The following STXBP5L variants were observed in gnomAD, a reference collection of about 807,000 sequenced individuals.
The protein encoded by STXBP5L is syntaxin-binding protein 5-like.
A neutral mutation model predicts 144.5 loss-of-function variants in STXBP5L; 65 were observed. The ratio of observed to expected loss-of-function variants is 0.45; its 90% CI spans 0.37 to 0.55. The LOEUF is 0.55. Ranked by LOEUF, STXBP5L falls within the 20% of genes least tolerant of loss-of-function variation. The pLI, the probability that STXBP5L is intolerant of heterozygous loss-of-function variation, is 0.00. For missense variants in STXBP5L, 1,298 were observed against 1,405.5 expected, an observed-to-expected ratio of 0.92 and a Z score of 1.22; for synonymous variants, 505 against 469.6, an observed-to-expected ratio of 1.08 and a Z score of -0.97.
intron 3 of STXBP5L, among the ~76,000 whole-genome samples, chr3:121,000,965 C>T (rs1351503295): frequency 6.6e-6 from 1 of 152,134 alleles, no homozygotes; most frequent in Non-Finnish European, 1.5e-5. Context: ...TCTGGCTTCT[C>T]AAAGTTAACC....
rs973656319 is a variant in STXBP5L, at chr3:121,065,795, C to T, written c.470+20260C>T. Among the ~76,000 whole-genome samples the T allele has an allele frequency of 2.6e-5, 4 of 152,222 alleles. No individual in the cohort carries two copies. The South Asian group carries it at 8.3e-4, about 32-fold the overall frequency. On this transcript the variant is annotated intron_variant, in intron 5 of 26. Coordinates refer to ENST00000471454, the MANE Select transcript of STXBP5L (RefSeq NM_001308330.2). Reference sequence around the variant, plus strand: ...TCACAAATTAAAATTGTGGCCAGGGCTGTGCGATTTTCTGAGGTTTGACTG... The same window carrying T: ...TCACAAATTAAAATTGTGGCCAGGGTTGTGCGATTTTCTGAGGTTTGACTG...
intron 20 of STXBP5L, among the ~76,000 whole-genome samples, chr3:121,320,945 C>T (rs377266128): frequency 1.6e-4 from 25 of 152,172 alleles, no homozygotes; most frequent in Non-Finnish European, 2.2e-4. Context: ...GTGATCTGCC[C>T]GCCTCGGCCT....
chr3:121,373,020 A>C (rs1419939061), intron 20 of STXBP5L, among the ~76,000 whole-genome samples: 1 of 152,224 alleles, frequency 6.6e-6, no homozygotes, highest in Non-Finnish European at 1.5e-5. Flanking sequence ...TATATCCAAG[A>C]GTAAAACTTG....
chr3:121,122,482 T>A (rs2044512018), intron 7 of STXBP5L, among the ~76,000 whole-genome samples: 1 of 151,296 alleles, frequency 6.6e-6, no homozygotes, highest in Non-Finnish European at 1.5e-5. Context: ...AGCCATGACA[T>A]TTTTGAAAAA....
intron 5 of STXBP5L, among the ~76,000 whole-genome samples, chr3:121,100,144 A>C (rs2043341118): frequency 6.6e-6 from 1 of 152,198 alleles, no homozygotes; most frequent in Non-Finnish European, 1.5e-5. Flanking sequence ...GCTACACAAT[A>C]AGAGTGAGGT....
chr3:121,043,954 C>CA (rs1251754043), intron 4 of STXBP5L, among the ~76,000 whole-genome samples: 2 of 151,958 alleles, frequency 1.3e-5, no homozygotes, highest in African/African-American at 2.4e-5. Flanking sequence ...ATACTGTATT[C>CA]AAAAAAATCA....
intron 5 of STXBP5L, among the ~76,000 whole-genome samples, chr3:121,069,223 C>A (rs938714865): frequency 3.9e-5 from 6 of 152,132 alleles, no homozygotes; most frequent in African/African-American, 1.2e-4. Context: ...TTTTATAACT[C>A]AAGAATGTTA....
chr3:121,363,223 A>G (rs72969914), intron 20 of STXBP5L, among the ~76,000 whole-genome samples: 4 of 152,140 alleles, frequency 2.6e-5, no homozygotes, highest in African/African-American at 9.7e-5. Context: ...TGATACCAGC[A>G]GTCCCTTGGC....
intron 5 of STXBP5L, among the ~76,000 whole-genome samples, chr3:121,092,801 A>C (rs752547982): frequency 6.6e-6 from 1 of 152,160 alleles, no homozygotes; most frequent in Non-Finnish European, 1.5e-5. Context: ...AGAACTTCCA[A>C]CACCATGTTG....
chr3:121,010,443 T>A (rs1280874560), intron 3 of STXBP5L, among the ~76,000 whole-genome samples: 1 of 151,716 alleles, frequency 6.6e-6, no homozygotes, highest in Non-Finnish European at 1.5e-5. Flanking sequence ...ATTCTGTTTT[T>A]TTTCTCACTG....
At chr3:121,164,908 G>A (rs940312342) in intron 9 of STXBP5L, among the ~76,000 whole-genome samples, 4 of 152,170 alleles carry the variant, frequency 2.6e-5, no homozygotes, top group African/African-American at 9.7e-5. Context: ...ACAGGGAGAT[G>A]TAGGTCAGAG....
intron 2 of STXBP5L, among the ~76,000 whole-genome samples, chr3:120,938,619 A>G (rs924128417): frequency 6.6e-6 from 1 of 152,108 alleles, no homozygotes. Flanking sequence ...TTTGAAAGCC[A>G]TTTTTGTCTC....
At chr3:121,257,736 G>C (rs947056500) in intron 17 of STXBP5L, among the ~76,000 whole-genome samples, 5 of 152,248 alleles carry the variant, frequency 3.3e-5, no homozygotes, top group Middle Eastern at 6.8e-3. Context: ...AGCAGCCTGG[G>C]CAACATAGCA....
At chr3:120,951,848 A>G (rs61797905) in intron 2 of STXBP5L, among the ~76,000 whole-genome samples, 56,963 of 151,930 alleles carry the variant, frequency 0.37, 10,887 homozygotes, top group Non-Finnish European at 0.4. Flanking sequence ...ATAAAGACAC[A>G]TGCACACGTA....
intron 22 of STXBP5L, among the ~76,000 whole-genome samples, chr3:121,391,786 G>C (rs1397589110): frequency 6.6e-6 from 1 of 152,174 alleles, no homozygotes; most frequent in Non-Finnish European, 1.5e-5. Context: ...CTTCGTCCCA[G>C]AGGGGCAGCC....
chr3:121,109,790 G>GTT (rs1559757119), intron 5 of STXBP5L, among the ~76,000 whole-genome samples: 1 of 152,050 alleles, frequency 6.6e-6, no homozygotes, highest in East Asian at 1.9e-4. Flanking sequence ...CTGTGTCAAT[G>GTT]ATCTAATATT....
Position 121,255,061 on chromosome 3 carries a change from A to G in STXBP5L, c.1608A>G (p.Ala536=), listed in dbSNP as rs2108375421. Residue 536 remains alanine, a synonymous_variant, in exon 16 of 27, where the codon GCA becomes GCG. Coordinates refer to ENST00000471454, the MANE Select transcript of STXBP5L (RefSeq NM_001308330.2). ...SRIFCVSGVS[A]YVIIYKFSRH... ...TATTCTGTGTATCAGGAGTCTCTGC[A>G]TATGTCATAATTTATAAATTCAGCA... The G allele has an allele frequency of 1.2e-6, 2 of 1,606,886 alleles. No homozygotes were observed. Among genetic ancestry groups the G allele is most frequent in the Non-Finnish European group, 1.7e-6 (2 of 1,177,102 alleles).
rs59576413 is a variant in STXBP5L, at chr3:121,090,690, AC to A, written c.471-24234del. On this transcript the variant is annotated intron_variant, in intron 5 of 26. Transcript: ENST00000471454. ...TAATCATTTTTGGTCATTTATTTGT[AC>A]TAATAACATTGTTGATCATGTACAG... Among the ~76,000 whole-genome samples the A allele has an allele frequency of 6.0e-3, 906 of 152,266 alleles. 8 individuals carry two copies. Among genetic ancestry groups the A allele is most frequent in the African/African-American group, 0.02 (835 of 41,570 alleles).
chr3:121,043,872 G>T (rs1947328822), intron 4 of STXBP5L, among the ~76,000 whole-genome samples: 1 of 151,982 alleles, frequency 6.6e-6, no homozygotes, highest in Non-Finnish European at 1.5e-5. Context: ...ATGTTTTATT[G>T]TTGTTACATA....
Sources: allele counts gnomAD v4.1 joint callset (sites outside exome capture counted in the v4.1 genomes callset), GRCh38; gene constraint gnomAD v4.1.1; transcripts MANE v1.5; gene names NCBI Gene and HGNC (gene_info 2026-07-23, HGNC 2026-07-21).